CRB2: variants seen among roughly 807,000 people sequenced by gnomAD.
CRB2 encodes the protein crumbs cell polarity complex component 2, also known as protein crumbs homolog 2.
Under a neutral mutation model 110.9 loss-of-function variants are expected in CRB2, and 85 were observed. The ratio of observed to expected loss-of-function variants is 0.77; its 90% CI spans 0.64 to 0.92. The LOEUF is 0.92. Among genes scored for constraint, CRB2 ranks in the 40% least tolerant of loss-of-function variants. The pLI is 0.00. For missense variants in CRB2, 1,843 were observed against 1,851.3 expected, an observed-to-expected ratio of 1.00 and a Z score of 0.08; for synonymous variants, 907 against 831.0, an observed-to-expected ratio of 1.09 and a Z score of -1.57.
intron 1 of CRB2, among the ~76,000 whole-genome samples, chr9:123,362,471 C>G (rs2041879543): frequency 6.6e-6 from 1 of 152,198 alleles, no homozygotes; most frequent in Admixed American, 6.5e-5. Context: ...GCTGGGCAGG[C>G]TCAGCAAGCC....
intron 2 of CRB2, among the ~76,000 whole-genome samples, chr9:123,363,918 C>T (rs780823140): frequency 1.6e-4 from 24 of 152,146 alleles, no homozygotes; most frequent in Non-Finnish European, 2.2e-4. Context: ...ACAGAAGGGG[C>T]GCAGTCTGGG....
intron 12 of CRB2, among the ~76,000 whole-genome samples, chr9:123,375,817 G>A (rs542351956): frequency 1.4e-3 from 208 of 152,176 alleles, no homozygotes; most frequent in Non-Finnish European, 2.2e-3. Context: ...CCCCAACCCC[G>A]GGTGGCTCAG....
In CRB2 at chr9:123,362,994, C is replaced by T; in HGVS notation, c.224C>T (p.Pro75Leu). Residue 75 changes from proline (P) to leucine (L), a missense_variant, in exon 2 of 13, where the codon CCA becomes CTA. Pro to Leu is a moderately conservative substitution (Grantham distance 98, BLOSUM62 -3). Transcript: ENST00000373631. ...GAGCCCCGGGGCTGTGCCACCCAGC[C>T]ATGCCACCACGGCGCTCTGTGTGTG... Reference protein sequence around the residue: ...PMEPRGCATQPCHHGALCVPQ... With the variant: ...PMEPRGCATQLCHHGALCVPQ... 1 of 1,612,652 alleles carries T rather than the reference C, an allele frequency of 6.2e-7. No individual in the cohort carries two copies. The highest frequency in any genetic ancestry group is 8.5e-7 in the Non-Finnish European group (1 of 1,179,762).
upstream of CRB2, among the ~76,000 whole-genome samples, chr9:123,354,668 C>CA (rs1316124249): frequency 1.3e-5 from 2 of 152,142 alleles, no homozygotes; most frequent in African/African-American, 2.4e-5. Context: ...ATTGGAGAGG[C>CA]AGGGGATTAA....
chr9:123,375,369 C>T lies in CRB2; in HGVS notation c.3633+26C>T, dbSNP rs200737275. 6.3e-5 allele frequency: 98 copies of T among 1,555,426 alleles called. No homozygotes were observed. In the East Asian group the frequency reaches 8.0e-4, roughly 13 times the overall value. Reference sequence around the variant, plus strand: ...GTGAGTGTTGTCAGGGGTGAGGGGCCGTGGACGTGGCCTGCTGGGCCCTTG... The same window carrying T: ...GTGAGTGTTGTCAGGGGTGAGGGGCTGTGGACGTGGCCTGCTGGGCCCTTG... On this transcript the variant is annotated intron_variant, in intron 12 of 12. Coordinates refer to ENST00000373631, the MANE Select transcript of CRB2 (RefSeq NM_173689.7).
At chr9:123,368,985 T>G in intron 6 of CRB2, 5 of 1,176,946 alleles carry the variant, frequency 4.2e-6, no homozygotes, top group Non-Finnish European at 5.4e-6. Context: ...GGGAGGTTGG[T>G]GGGTGGTGGT....
chr9:123,373,842 C>CCCGTGG lies in CRB2; in HGVS notation c.3315_3320dup (p.Gly1106_Arg1107dup), dbSNP rs1564378042. On this transcript the variant is annotated inframe_insertion, in exon 10 of 13. Coordinates refer to ENST00000373631, the MANE Select transcript of CRB2 (RefSeq NM_173689.7). Reference sequence around the variant, plus strand: ...GACCCCTGTCACTCCGCCCCCTGCGCCCGTGGCCGCTGTCACACGCACCCC... The same window carrying CCCGTGG: ...GACCCCTGTCACTCCGCCCCCTGCGCCCGTGGCCGTGGCCGCTGTCACACGCACCCC... 8 of 1,567,270 alleles carry CCCGTGG rather than the reference C, an allele frequency of 5.1e-6. No individual in the cohort carries two copies. The East Asian group carries it at 1.2e-4, about 23-fold the overall frequency.
At position 123,375,930 on chromosome 9, in the gene CRB2, G is replaced by A. The variant is rs2042096467; in HGVS notation, c.3633+587G>A. Among the ~76,000 whole-genome samples, 3 of 152,174 alleles carry A rather than the reference G, an allele frequency of 2.0e-5. 1 individual carries two copies. In the South Asian group the frequency reaches 6.2e-4, roughly 32 times the overall value. Reference sequence around the variant, plus strand: ...GGGTGGGGGGAGTGGGTGCTGGCGAGGAGAGGCTTGGAAGGGAAGTCTGGG... The same window carrying A: ...GGGTGGGGGGAGTGGGTGCTGGCGAAGAGAGGCTTGGAAGGGAAGTCTGGG... On this transcript the variant is annotated intron_variant, in intron 12 of 12. Coordinates refer to ENST00000373631, the MANE Select transcript of CRB2 (RefSeq NM_173689.7).
Position 123,367,232 on chromosome 9 carries a change from A to C in CRB2, c.815A>C (p.His272Pro), listed in dbSNP as rs987472193. The C allele has an allele frequency of 1.3e-6, 2 of 1,599,002 alleles. No individual in the cohort carries two copies. The highest frequency in any genetic ancestry group is 1.7e-6 in the Non-Finnish European group (2 of 1,177,814). The change falls in exon 5 of 13, where the codon CAT becomes CCT. Residue 272 changes from histidine (H) to proline (P), a missense_variant. Transcript: ENST00000373631. ...GAGTGTGCATCGAGCCCCTGCCAGC[A>C]TGGGGGCCGATGCCTGCAGCGCTCT... ...EDECASSPCQHGGRCLQRSDP... is the reference protein window; with the variant it reads ...EDECASSPCQPGGRCLQRSDP...
downstream of CRB2, chr9:123,380,230 C>G (rs2042207193): frequency 6.6e-6 from 1 of 152,358 alleles, no homozygotes; most frequent in African/African-American, 2.4e-5. Flanking sequence ...ATGGTCGGGC[C>G]ATACTTTAAC....
At position 123,367,163 on chromosome 9, in the gene CRB2, T is replaced by C. The variant is rs1158261927; in HGVS notation, c.755-9T>C. ...GTGAGACCTGATGTCCGCGTGTGTGTGCCCCCAGGCTACAGCGGCGAGCTG... is the reference window on the plus strand; with the variant it reads ...GTGAGACCTGATGTCCGCGTGTGTGCGCCCCCAGGCTACAGCGGCGAGCTG... On this transcript the variant is annotated splice_polypyrimidine_tract_variant and intron_variant, in intron 4 of 12. Coordinates refer to ENST00000373631, the MANE Select transcript of CRB2 (RefSeq NM_173689.7). The C allele has an allele frequency of 3.8e-6, 6 of 1,575,142 alleles. No homozygotes were observed. In the South Asian group the frequency reaches 5.7e-5, roughly 15 times the overall value.
In CRB2 at chr9:123,373,359, T is replaced by TGCTGCCCATACCGGGGCCGC; in HGVS notation, c.2831_2850dup (p.Val951CysfsTer197). 6.9e-7 allele frequency: 1 copy of TGCTGCCCATACCGGGGCCGC among 1,439,580 alleles called. No individual in the cohort carries two copies. Among genetic ancestry groups the TGCTGCCCATACCGGGGCCGC allele is most frequent in the Non-Finnish European group, 9.1e-7 (1 of 1,103,860 alleles). The allele number at this position is 1,439,580 out of a possible 1,614,324, so 89.2% of individuals were successfully genotyped here. On this transcript the variant is annotated frameshift_variant, in exon 10 of 13. Transcript: ENST00000373631. LOFTEE classifies it high-confidence loss of function. ...GGAGGCCATGGCCTGCCCGGCGCTGTGCTGCCCATACCGGGGCCGCGCGTG... is the reference window on the plus strand; with the variant it reads ...GGAGGCCATGGCCTGCCCGGCGCTGTGCTGCCCATACCGGGGCCGCGCTGCCCATACCGGGGCCGCGCGTG...
intron 12 of CRB2, 110 bp from the exon 13 acceptor site, chr9:123,376,728 A>T: frequency 9.3e-7 from 1 of 1,069,848 alleles, no homozygotes; most frequent in Non-Finnish European, 1.3e-6. Context: ...GCCTGCTCCC[A>T]GCTCTGATTT....
At position 123,373,811 on chromosome 9, in the gene CRB2, C is replaced by G; in HGVS notation, c.3280C>G (p.His1094Asp). 1.3e-6 allele frequency: 2 copies of G among 1,586,692 alleles called. No individual in the cohort carries two copies. The highest frequency in any genetic ancestry group is 1.4e-5 in the African/African-American group (1 of 73,880). ...GTGGGAAGGCCCGCGCTGCGAAGCC[C>G]ACGTCGACCCCTGTCACTCCGCCCC... The part of the protein sequence containing the change: ...PGWEGPRCEA[H>D]VDPCHSAPCA... The change falls in exon 10 of 13, where the codon CAC becomes GAC. Residue 1094 changes from histidine to aspartate, a missense_variant. Coordinates refer to ENST00000373631, the MANE Select transcript of CRB2 (RefSeq NM_173689.7).
Position 123,373,323 on chromosome 9 carries a change from G to C in CRB2, c.2792G>C (p.Gly931Ala). 1 of 1,449,692 alleles carries C rather than the reference G, an allele frequency of 6.9e-7. No homozygotes were observed. Among genetic ancestry groups the C allele is most frequent in the Non-Finnish European group, 9.0e-7 (1 of 1,110,320 alleles). The allele number at this position is 1,449,692 out of a possible 1,614,324, so 89.8% of individuals were successfully genotyped here. ...GCGGTGCGCAATGGCTCGCTGGCGGGGGGCGTGCGCGGAGGCCATGGCCTG... is the reference window on the plus strand; with the variant it reads ...GCGGTGCGCAATGGCTCGCTGGCGGCGGGCGTGCGCGGAGGCCATGGCCTG... ...WLAVRNGSLAGGVRGGHGLPG... is the reference protein window; with the variant it reads ...WLAVRNGSLAAGVRGGHGLPG... Residue 931 changes from glycine to alanine, a missense_variant, in exon 10 of 13, where the codon GGG (glycine) becomes GCG (alanine). Transcript: ENST00000373631.
At chr9:123,367,418 C>A (rs1011049483) in intron 5 of CRB2, 61 bp downstream of exon 5, 4 of 743,866 alleles carry the variant, frequency 5.4e-6, no homozygotes, top group African/African-American at 5.4e-5. Context: ...GGATCTTGTG[C>A]CCACCCCCCC....
At position 123,370,506 on chromosome 9, in the gene CRB2, G is replaced by C. The variant is rs138853172; in HGVS notation, c.1453G>C (p.Glu485Gln). Reference sequence around the variant, plus strand: ...TCGCAATGACACCAAGGAAAGCTTGGAGCTGGCATTGGTGGCAGCCACACT... The same window carrying C: ...TCGCAATGACACCAAGGAAAGCTTGCAGCTGGCATTGGTGGCAGCCACACT... ...ATRNDTKESL[E>Q]LALVAATLQA... The change falls in exon 7 of 13, where the codon GAG becomes CAG. Residue 485 changes from glutamate (E) to glutamine (Q), a missense_variant. Coordinates refer to ENST00000373631, the MANE Select transcript of CRB2 (RefSeq NM_173689.7). 361 of 1,613,506 alleles carry C rather than the reference G, an allele frequency of 2.2e-4. No homozygotes were observed. The African/African-American group carries it at 4.4e-3, about 20-fold the overall frequency.
chr9:123,367,695 G>A lies in CRB2; in HGVS notation c.1054+9G>A. 1 of 1,534,646 alleles carries A rather than the reference G, an allele frequency of 6.5e-7. No homozygotes were observed. Among genetic ancestry groups the A allele is most frequent in the African/African-American group, 1.4e-5 (1 of 73,026 alleles). ...CCCAGATGGCTACGCAGGTGTCTGG[G>A]GTGGGGTGGGCCCTGGGACCATCAG... On this transcript the variant is annotated intron_variant, in intron 6 of 12. Transcript: ENST00000373631.
Position 123,369,234 on chromosome 9 carries a change from C to T in CRB2, c.1055-874C>T, listed in dbSNP as rs1007370140. Among the ~76,000 whole-genome samples, 9 of 152,290 alleles carry T rather than the reference C, an allele frequency of 5.9e-5. 1 individual carries two copies. The highest frequency in any genetic ancestry group is 2.6e-4 in the Admixed American group (4 of 15,300). On this transcript the variant is annotated intron_variant, in intron 6 of 12. Transcript: ENST00000373631. ...GGCAGAGGGACTGAGGGGTTAGAGC[C>T]TGGGAGGCCACTCAGAGTGCCTTGG... is the stretch of plus-strand genomic sequence containing the variant.
Sources: gnomAD v4.1 joint callset for allele counts (sites outside exome capture counted in the v4.1 genomes callset) on GRCh38, gnomAD v4.1.1 for gene constraint, MANE v1.5 for transcripts, NCBI Gene and HGNC (gene_info 2026-07-23, HGNC 2026-07-21) for gene names.